TEX15: variants seen among roughly 807,000 people sequenced by gnomAD.
TEX15 encodes testis-expressed protein 15.
In TEX15, 171 loss-of-function variants were observed where a neutral mutation model predicts 237.3. The ratio of observed to expected loss-of-function variants is 0.72; its 90% CI spans 0.64 to 0.82. TEX15 has a LOEUF of 0.82. TEX15 is among the 40% of genes least tolerant of loss of function. The pLI is 0.00. For synonymous variants in TEX15, 1,338 were observed against 1,269.8 expected (o/e 1.05, Z -1.14); for missense variants, 3,750 against 3,646.5 (o/e 1.03, Z -0.73).
At chr8:30,866,716 G>GAC (rs1808175414) in intron 5 of TEX15, among the ~76,000 whole-genome samples, 2 of 147,920 alleles carry the variant, frequency 1.4e-5, no homozygotes, top group Admixed American at 7.0e-5. Flanking sequence ...ACAAGGCTTT[G>GAC]ACACACACAT....
At chr8:30,884,672 T>A (rs1808607637) in intron 3 of TEX15, among the ~76,000 whole-genome samples, 1 of 152,168 alleles carries the variant, frequency 6.6e-6, no homozygotes, top group Non-Finnish European at 1.5e-5. Context: ...GGATCTGTAG[T>A]GATGTCCTCT....
At chr8:30,865,168 T>C (rs889912899) in intron 5 of TEX15, among the ~76,000 whole-genome samples, 1 of 152,004 alleles carries the variant, frequency 6.6e-6, no homozygotes, top group Non-Finnish European at 1.5e-5. Flanking sequence ...ATACAAAGGA[T>C]TGTTAGAGAC....
At chr8:30,838,765 T>G (rs1807371122) in intron 9 of TEX15, among the ~76,000 whole-genome samples, 1 of 115,764 alleles carries the variant, frequency 8.6e-6, no homozygotes, top group African/African-American at 3.1e-5. Flanking sequence ...TGTGTGTATA[T>G]ATAAAAACAT....
At chr8:30,865,927 A>T (rs1362455849) in intron 5 of TEX15, among the ~76,000 whole-genome samples, 2 of 152,154 alleles carry the variant, frequency 1.3e-5, no homozygotes, top group African/African-American at 2.4e-5. Flanking sequence ...ATGTAGTTCT[A>T]GAAGTACTAG....
intron 1 of TEX15, among the ~76,000 whole-genome samples, chr8:30,905,195 T>C (rs940365096): frequency 8.6e-5 from 13 of 151,354 alleles, no homozygotes; most frequent in African/African-American, 3.2e-4. Flanking sequence ...GATCGTGCAA[T>C]GTCAAAGTAC....
intron 2 of TEX15, among the ~76,000 whole-genome samples, chr8:30,895,583 G>C (rs1585314021): frequency 6.8e-6 from 1 of 146,330 alleles, no homozygotes; most frequent in African/African-American, 2.6e-5. Context: ...ACGGAGCTCA[G>C]ACTCAACACC....
intron 4 of TEX15, among the ~76,000 whole-genome samples, chr8:30,867,724 T>C (rs1305173783): frequency 2.0e-5 from 3 of 152,100 alleles, no homozygotes; most frequent in Non-Finnish European, 4.4e-5. Context: ...TGGTCTAAAA[T>C]AACAGGGGCT....
At position 30,843,505 on chromosome 8, in the gene TEX15, A is replaced by G. The variant is rs752178288; in HGVS notation, c.6662T>C (p.Val2221Ala). 2.1e-5 allele frequency: 34 copies of G among 1,612,970 alleles called. No individual in the cohort carries two copies. In the Middle Eastern group the frequency reaches 4.9e-4, roughly 23 times the overall value. Reference sequence around the variant, plus strand: ...ATGAACTTTAGGAGAGTCCCCACATACATTGATCAACTTTAAAGTACTTTT... The same window carrying G: ...ATGAACTTTAGGAGAGTCCCCACATGCATTGATCAACTTTAAAGTACTTTT... ...LRKSTLKLINVCGDSPKVHSY... is the reference protein window; with the variant it reads ...LRKSTLKLINACGDSPKVHSY... Residue 2221 changes from valine (V) to alanine (A), a missense_variant, in exon 8 of 11, where the codon GTA becomes GCA. Physicochemically the swap from Val to Ala is moderately conservative, Grantham distance 64. Transcript: ENST00000643185.
intron 3 of TEX15, among the ~76,000 whole-genome samples, chr8:30,885,372 A>G (rs1808624304): frequency 6.6e-6 from 1 of 152,008 alleles, no homozygotes; most frequent in South Asian, 2.1e-4. Context: ...TAAAAACAGG[A>G]GTTTCTCTGC....
chr8:30,843,787 T>G lies in TEX15; in HGVS notation c.6380A>C (p.Tyr2127Ser). The G allele has an allele frequency of 6.2e-7, 1 of 1,613,532 alleles. No homozygotes were observed. Among genetic ancestry groups the G allele is most frequent in the Non-Finnish European group, 8.5e-7 (1 of 1,179,648 alleles). The change falls in exon 8 of 11, where the codon TAT becomes TCT. Residue 2127 changes from tyrosine to serine, a missense_variant. By Grantham distance (144) the Tyr-to-Ser change is moderately radical. Coordinates refer to ENST00000643185, the MANE Select transcript of TEX15 (RefSeq NM_001350162.2). ...PRGFQQQSNF[Y>S]PGFQGRLKYN... ...TTTTAATCTTCCTTGGAAACCAGGA[T>G]AGAAATTAGACTGCTGTTGAAATCC...
intron 2 of TEX15, among the ~76,000 whole-genome samples, chr8:30,898,095 A>G (rs1196821439): frequency 1.3e-5 from 2 of 152,192 alleles, no homozygotes; most frequent in Non-Finnish European, 2.9e-5. Flanking sequence ...TACCTACCCT[A>G]AATTAAGGTC....
Position 30,852,203 on chromosome 8 carries a change from C to T in TEX15, c.851-2887G>A, listed in dbSNP as rs535661454. 3.2e-4 allele frequency among the ~76,000 whole-genome samples: 44 copies of T among 137,056 alleles called. No homozygotes were observed. The South Asian group carries it at 7.5e-3, about 24-fold the overall frequency. The allele number at this position is 137,056 out of a possible 152,430, so 89.9% of individuals were successfully genotyped here. ...CACTACAAACTCCGCCTCCCGGGTT[C>T]ACGCCATTCTCCTGCCTCAGCCTCT... On this transcript the variant is annotated intron_variant, in intron 7 of 10. Transcript: ENST00000643185.
At chr8:30,887,821 G>A (rs1808688210) in intron 2 of TEX15, 1 of 145,988 alleles carries the variant, frequency 6.8e-6, no homozygotes, top group Non-Finnish European at 1.5e-5. Flanking sequence ...TTTCGCATAT[G>A]TATATATTTC....
rs1384046591 is a variant in TEX15 at position 30,843,211 on chromosome 8, G to A, written c.6956C>T (p.Ser2319Phe). The A allele has an allele frequency of 1.2e-6, 2 of 1,613,164 alleles. No homozygotes were observed. The highest frequency in any genetic ancestry group is 1.3e-5 in the African/African-American group (1 of 74,882). Residue 2319 changes from serine to phenylalanine, a missense_variant, in exon 8 of 11, where the codon TCT becomes TTT. Coordinates refer to ENST00000643185, the MANE Select transcript of TEX15 (RefSeq NM_001350162.2). ...SKLQKIYDTLSKDLNNEPISP... is the reference protein window; with the variant it reads ...SKLQKIYDTLFKDLNNEPISP... ...AATTGGTTCATTGTTTAAATCTTTA[G>A]ACAAAGTATCATATATCTTCTGCAA...
rs1210092955 is a variant in TEX15, at chr8:30,847,548, T to C, written c.2619A>G (p.Ser873=). The change falls in exon 8 of 11, where the codon TCA becomes TCG. Residue 873 remains serine (S), a synonymous_variant. Coordinates refer to ENST00000643185, the MANE Select transcript of TEX15 (RefSeq NM_001350162.2). ...NQNEAKENSA[S]CVENNIENIY... ...TGTTCTCTATGTTGTTTTCTACACA[T>C]GAAGCACTATTCTCTTTAGCCTCAT... is the stretch of plus-strand genomic sequence containing the variant. 3.1e-6 allele frequency: 5 copies of C among 1,613,118 alleles called. No homozygotes were observed. Among genetic ancestry groups the C allele is most frequent in the Non-Finnish European group, 4.2e-6 (5 of 1,179,846 alleles).
Position 30,848,596 on chromosome 8 carries a change from T to C in TEX15, c.1571A>G (p.Asn524Ser). 1 of 1,614,100 alleles carries C rather than the reference T, an allele frequency of 6.2e-7. No homozygotes were observed. The highest frequency in any genetic ancestry group is 8.5e-7 in the Non-Finnish European group (1 of 1,180,000). ...GSEDYDCIPP[N>S]KVTMAGQCKD... ...ACATTGCCCTGCCATGGTAACTTTATTGGGAGGTATACAGTCATAGTCCTC... is the reference window on the plus strand; with the variant it reads ...ACATTGCCCTGCCATGGTAACTTTACTGGGAGGTATACAGTCATAGTCCTC... Residue 524 changes from asparagine (N) to serine (S), a missense_variant, in exon 8 of 11, where the codon AAT becomes AGT. Coordinates refer to ENST00000643185, the MANE Select transcript of TEX15 (RefSeq NM_001350162.2).
chr8:30,904,454 A>G (rs920325230), intron 1 of TEX15, among the ~76,000 whole-genome samples: 1 of 152,074 alleles, frequency 6.6e-6, no homozygotes, highest in Non-Finnish European at 1.5e-5. Flanking sequence ...CTCAAAAAAA[A>G]AAAAAAAAAA....
intron 10 of TEX15, among the ~76,000 whole-genome samples, chr8:30,835,141 G>A (rs1481138404): frequency 6.6e-6 from 1 of 152,026 alleles, no homozygotes; most frequent in Non-Finnish European, 1.5e-5. Flanking sequence ...GGGTCTTCCT[G>A]TCACACAGGC....
intron 1 of TEX15, among the ~76,000 whole-genome samples, chr8:30,905,734 C>CAAAAAAAAAA (rs34079195): frequency 9.2e-3 from 466 of 50,798 alleles, no homozygotes; most frequent in African/African-American, 0.016. Context: ...ACAAAAAATA[C>CAAAAAAAAAA]AAAAAAAAAA....
Sources: gnomAD v4.1 joint callset for allele counts (sites outside exome capture counted in the v4.1 genomes callset) on GRCh38, gnomAD v4.1.1 for gene constraint, MANE v1.5 for transcripts, NCBI Gene and HGNC (gene_info 2026-07-23, HGNC 2026-07-21) for gene names.